EDARADD: variants seen among roughly 807,000 people sequenced by gnomAD.
EDARADD encodes the protein ectodysplasin-A receptor-associated adapter protein.
In EDARADD, 20 loss-of-function variants were observed where a neutral mutation model predicts 25.6. The observed-to-expected ratio is 0.78, with a 90% CI of 0.55 to 1.14. EDARADD has a LOEUF of 1.14. EDARADD is among the 50% of genes most tolerant of loss of function. The probability of loss-of-function intolerance (pLI) is 0.00; values close to 1 mark genes in which losing one functional copy is unlikely to be tolerated. For missense variants in EDARADD, 225 were observed against 270.1 expected (o/e 0.83, Z 1.17); for synonymous variants, 86 against 94.4 (o/e 0.91, Z 0.52).
At chr1:236,471,885 C>T (rs1224620825) in intron 5 of EDARADD, among the ~76,000 whole-genome samples, 13 of 152,156 alleles carry the variant, frequency 8.5e-5, no homozygotes, top group African/African-American at 2.2e-4. Context: ...GCCGTTTCTA[C>T]GCCTAACTAA....
chr1:236,452,503 T>G (rs1253628), intron 4 of EDARADD, among the ~76,000 whole-genome samples: 2 of 138,284 alleles, frequency 1.4e-5, no homozygotes, highest in African/African-American at 3.1e-5. Flanking sequence ...CGATCCCCCC[T>G]CTCTCTCTCT....
At position 236,468,215 on chromosome 1, in the gene EDARADD, G is replaced by A; in HGVS notation, c.220-16G>A. On this transcript the variant is annotated splice_polypyrimidine_tract_variant and intron_variant, in intron 4 of 5. Transcript: ENST00000334232. ...TTTGGATATGATTTTAATGAAGGTT[G>A]CTTTTTGGTTTTTAGGGAGAAGAAA... 5.6e-6 allele frequency: 9 copies of A among 1,612,242 alleles called. No homozygotes were observed. The highest frequency in any genetic ancestry group is 7.6e-6 in the Non-Finnish European group (9 of 1,178,310).
chr1:236,391,614 T>C (rs1235323096), upstream of EDARADD, among the ~76,000 whole-genome samples: 34 of 152,364 alleles, frequency 2.2e-4, no homozygotes, highest in East Asian at 1.9e-4. Flanking sequence ...CTGTATGGAA[T>C]GTACATATCC....
At chr1:236,406,247 C>T (rs368843498) in intron 1 of EDARADD, among the ~76,000 whole-genome samples, 72 of 152,098 alleles carry the variant, frequency 4.7e-4, no homozygotes, top group African/African-American at 1.7e-3. Flanking sequence ...GTGGCTTCTA[C>T]CACCCCCTCC....
At chr1:236,399,014 G>T (rs1021221223) in intron 1 of EDARADD, among the ~76,000 whole-genome samples, 3 of 152,078 alleles carry the variant, frequency 2.0e-5, no homozygotes, top group Non-Finnish European at 4.4e-5. Flanking sequence ...TAAAGAGTTG[G>T]GGGGAGAAAA....
intron 4 of EDARADD, among the ~76,000 whole-genome samples, chr1:236,446,188 C>T (rs1457757478): frequency 6.6e-6 from 1 of 152,214 alleles, no homozygotes; most frequent in East Asian, 1.9e-4. Flanking sequence ...CCTTCTCCTT[C>T]TCCCCTCTGT....
chr1:236,424,214 T>G (rs1571926093), intron 3 of EDARADD, among the ~76,000 whole-genome samples: 1 of 121,162 alleles, frequency 8.3e-6, no homozygotes, highest in African/African-American at 3.1e-5. Context: ...AGGGCTGGGG[T>G]GCGGTGGTGT....
In EDARADD at chr1:236,483,684, G is replaced by A. The variant is rs758471217; in HGVS notation, c.*1035G>A. On this transcript the variant is annotated 3_prime_UTR_variant, in exon 6 of 6. Coordinates refer to ENST00000334232, the MANE Select transcript of EDARADD (RefSeq NM_145861.4). ...GCAGGAGTTCATGGTCCTCCCAGTC[G>A]GTGCAGCAAACTTCAGGGAAGCCAT... 3.2e-5 allele frequency: 51 copies of A among 1,570,470 alleles called. No individual in the cohort carries two copies. The highest frequency in any genetic ancestry group is 8.4e-5 in the Admixed American group (5 of 59,670).
chr1:236,452,135 G>A (rs533148189), intron 4 of EDARADD, among the ~76,000 whole-genome samples: 1 of 152,294 alleles, frequency 6.6e-6, no homozygotes, highest in South Asian at 2.1e-4. Flanking sequence ...GAATCCAGCT[G>A]GGGAGTGAGA....
chr1:236,471,712 T>C (rs1659365338), intron 5 of EDARADD, among the ~76,000 whole-genome samples: 1 of 152,204 alleles, frequency 6.6e-6, no homozygotes, highest in African/African-American at 2.4e-5. Context: ...GGGAGCATCC[T>C]TACAAATGAT....
intron 4 of EDARADD, among the ~76,000 whole-genome samples, chr1:236,437,346 AGT>A (rs1658283034): frequency 6.6e-6 from 1 of 152,182 alleles, no homozygotes; most frequent in Non-Finnish European, 1.5e-5. Flanking sequence ...TTCAAATGGA[AGT>A]CTTGAATGCC....
rs1667722600 is a variant in EDARADD, at chr1:236,405,906, TTTC to T, written c.62-3307_62-3305del. Among the ~76,000 whole-genome samples the T allele has an allele frequency of 3.9e-5, 2 of 51,132 alleles. 1 individual carries two copies. The highest frequency in any genetic ancestry group is 9.4e-5 in the Non-Finnish European group (2 of 21,328). 33.5% of individuals were successfully genotyped at this position (51,132 alleles called of 152,430 possible). A position where few individuals can be genotyped will look rare whatever the true frequency, so the allele number is the denominator to read the frequency against. ...CTTTCTTTCTTTCTTTCTTTCTTTC[TTTC>T]TTTCTTTCTTTCTTTCTCTTTCCTT... On this transcript the variant is annotated intron_variant, in intron 1 of 5. Transcript: ENST00000334232.
At chr1:236,367,518 C>G (rs372623010) in intron 3 of EDARADD, among the ~76,000 whole-genome samples, 1 of 152,254 alleles carries the variant, frequency 6.6e-6, no homozygotes, top group East Asian at 1.9e-4. Context: ...CATGGGCCAC[C>G]GCACCCAGCC....
At chr1:236,375,358 A>G (rs1434845797) in intron 3 of EDARADD, among the ~76,000 whole-genome samples, 4 of 152,190 alleles carry the variant, frequency 2.6e-5, no homozygotes, top group Non-Finnish European at 1.5e-5. Context: ...TAAATTAACA[A>G]TAAGAAAAAT....
At chr1:236,454,336 CCG>C (rs1489305839) in intron 4 of EDARADD, among the ~76,000 whole-genome samples, 5 of 152,336 alleles carry the variant, frequency 3.3e-5, no homozygotes, top group African/African-American at 1.2e-4. Flanking sequence ...GCGTGAGCCA[CCG>C]TGCCCGGCCT....
chr1:236,403,917 C>T (rs1256275555), intron 1 of EDARADD, among the ~76,000 whole-genome samples: 2 of 152,160 alleles, frequency 1.3e-5, no homozygotes, highest in African/African-American at 4.8e-5. Flanking sequence ...TCACTGCCGG[C>T]AGAGATATCC....
rs35531700 is a variant in EDARADD, at chr1:236,478,359, A to ATGTGTGTGTGTGTGTG, written c.266-3896_266-3881dup. 2.3e-3 allele frequency among the ~76,000 whole-genome samples: 331 copies of ATGTGTGTGTGTGTGTG among 144,798 alleles called. 3 individuals carry two copies. The highest frequency in any genetic ancestry group is 8.1e-3 in the African/African-American group (311 of 38,564). 95.0% of individuals were successfully genotyped at this position (144,798 alleles called of 152,430 possible). On this transcript the variant is annotated intron_variant, in intron 5 of 5. Transcript: ENST00000334232. Reference sequence around the variant, plus strand: ...TAGTTTATCCAAAATCCATATATATATGTGTGTGTGTGTGTGTGTGTGTGT... The same window carrying ATGTGTGTGTGTGTGTG: ...TAGTTTATCCAAAATCCATATATATATGTGTGTGTGTGTGTGTGTGTGTGTGTGTGTGTGTGTGTGT...
intron 3 of EDARADD, among the ~76,000 whole-genome samples, chr1:236,364,637 C>T (rs1458736591): frequency 6.6e-6 from 1 of 152,180 alleles, no homozygotes; most frequent in East Asian, 1.9e-4. Context: ...TTAAGTATTT[C>T]ATCATCTTTT....
intron 4 of EDARADD, among the ~76,000 whole-genome samples, chr1:236,440,036 T>G (rs1395396336): frequency 6.6e-6 from 1 of 152,154 alleles, no homozygotes; most frequent in Non-Finnish European, 1.5e-5. Context: ...GTTTAAAGAG[T>G]TTAAATTTTG....
Sources: gnomAD v4.1 joint callset for allele counts (sites outside exome capture counted in the v4.1 genomes callset) on GRCh38, gnomAD v4.1.1 for gene constraint, MANE v1.5 for transcripts, NCBI Gene and HGNC (gene_info 2026-07-23, HGNC 2026-07-21) for gene names.